ARVCF: variants seen among roughly 807,000 people sequenced by gnomAD.
The protein encoded by ARVCF is splicing regulator ARVCF.
In ARVCF, 66 loss-of-function variants were observed where a neutral mutation model predicts 90.9. The ratio of observed to expected loss-of-function variants is 0.73; its 90% CI spans 0.60 to 0.89. The LOEUF is 0.89. ARVCF is among the 40% of genes least tolerant of loss of function. ARVCF has a pLI of 0.00. For missense variants in ARVCF, 1,469 were observed against 1,382.3 expected (o/e 1.06, Z -1.00); for synonymous variants, 653 against 603.4 (o/e 1.08, Z -1.21).
chr22:19,993,520 A>C (rs1403851021), intron 2 of ARVCF, among the ~76,000 whole-genome samples: 1 of 152,198 alleles, frequency 6.6e-6, no homozygotes, highest in Admixed American at 6.5e-5. Flanking sequence ...GAAGGGGGAC[A>C]CTGCAGGGAC....
At chr22:19,972,185 T>G (rs1225415875) in intron 17 of ARVCF, among the ~76,000 whole-genome samples, 173 bp downstream of exon 17, 1 of 152,116 alleles carries the variant, frequency 6.6e-6, no homozygotes, top group Non-Finnish European at 1.5e-5. Context: ...TCAGAGCCCC[T>G]GGCTGAGCAC....
At chr22:19,968,323 T>C (rs1029867851), downstream of ARVCF, among the ~76,000 whole-genome samples, 3 of 152,212 alleles carry the variant, frequency 2.0e-5, no homozygotes, top group Admixed American at 6.5e-5. Flanking sequence ...GAAAGGTCCC[T>C]GTCCTCACGG....
intron 2 of ARVCF, among the ~76,000 whole-genome samples, chr22:20,000,097 C>T (rs905671292): frequency 6.6e-6 from 1 of 152,222 alleles, no homozygotes; most frequent in Non-Finnish European, 1.5e-5. Context: ...TCACTGTACC[C>T]TTCTCCCACC....
chr22:19,984,406 C>T (rs949052171), intron 3 of ARVCF, among the ~76,000 whole-genome samples: 14 of 152,110 alleles, frequency 9.2e-5, no homozygotes, highest in Non-Finnish European at 1.0e-4. Flanking sequence ...ACCCATCAGC[C>T]CCGGCCTAGC....
downstream of ARVCF, chr22:19,967,197 G>A (rs562927287): frequency 6.1e-5 from 80 of 1,304,720 alleles, no homozygotes; most frequent in Admixed American, 3.2e-4. Flanking sequence ...GTCCGCTGAC[G>A]TCTTCTGTAT....
chr22:19,970,197 G>A lies in ARVCF; in HGVS notation c.*559C>T. ...TGGGGAGGTGGGGCACCTGTAGCCT[G>A]ACCCCCACCTTGCTGCTTCCAAAGC... On this transcript the variant is annotated 3_prime_UTR_variant, in exon 20 of 20. Transcript: ENST00000263207. 1.0e-6 allele frequency: 1 copy of A among 989,610 alleles called. No homozygotes were observed. The highest frequency in any genetic ancestry group is 1.2e-6 in the Non-Finnish European group (1 of 832,378). 61.3% of individuals were successfully genotyped at this position (989,610 alleles called of 1,614,324 possible).
At chr22:19,984,583 T>A (rs991639630) in intron 3 of ARVCF, among the ~76,000 whole-genome samples, 1 of 152,098 alleles carries the variant, frequency 6.6e-6, no homozygotes, top group Admixed American at 6.5e-5. Flanking sequence ...CACATGCATA[T>A]ACATGACCCC....
At position 19,972,979 on chromosome 22, in the gene ARVCF, G is replaced by C; in HGVS notation, c.2496C>G (p.Tyr832Ter). ...ASHVLQTVWS[Y>*]KELRGTLQKD... is the part of the protein sequence containing the mutation. ...TCTGCAAGGTACCACGCAGCTCCTT[G>C]TAGCTCCACACTGTCTGCAGCACGT... The change falls in exon 15 of 20, where the codon TAC (tyrosine) becomes TAG (stop). Residue 832 changes from tyrosine (Y) to a stop codon, truncating the protein, a stop_gained. Coordinates refer to ENST00000263207, the MANE Select transcript of ARVCF (RefSeq NM_001670.3). LOFTEE classifies it high-confidence loss of function. The C allele has an allele frequency of 2.5e-6, 4 of 1,613,756 alleles. No individual in the cohort carries two copies. Among genetic ancestry groups the C allele is most frequent in the Non-Finnish European group, 3.4e-6 (4 of 1,180,038 alleles).
intron 2 of ARVCF, among the ~76,000 whole-genome samples, chr22:20,006,585 A>T (rs1944636153): frequency 2.0e-5 from 3 of 151,020 alleles, no homozygotes; most frequent in South Asian, 4.2e-4. Flanking sequence ...TCTCAAAAAA[A>T]AAAAAGAGGC....
In ARVCF at chr22:19,990,585, C is replaced by CT. The variant is rs763747628; in HGVS notation, c.209dup (p.Glu71GlyfsTer18). On this transcript the variant is annotated frameshift_variant and splice_region_variant, in exon 3 of 20. Transcript: ENST00000263207. LOFTEE classifies it high-confidence loss of function. ...CCTTCCCAAGTCACTAGGCTGTTAC[C>CT]TGGAGGACCAGCTGTTGCCAGGCCA... 3.6e-5 allele frequency: 58 copies of CT among 1,605,612 alleles called. No homozygotes were observed. The highest frequency in any genetic ancestry group is 4.8e-5 in the Non-Finnish European group (56 of 1,175,252).
At chr22:19,983,452 G>C (rs1943606545) in intron 3 of ARVCF, among the ~76,000 whole-genome samples, 1 of 152,216 alleles carries the variant, frequency 6.6e-6, no homozygotes, top group Non-Finnish European at 1.5e-5. Flanking sequence ...CCAGGTCAGG[G>C]TCCTATCCTG....
intron 11 of ARVCF, 27 bp downstream of exon 11, chr22:19,975,659 G>T (rs1320929933): frequency 6.2e-7 from 1 of 1,612,868 alleles, no homozygotes; most frequent in Admixed American, 1.7e-5. Flanking sequence ...TCCCCCAGTG[G>T]AGCTGGCTTC....
intron 3 of ARVCF, chr22:19,986,798 G>A (rs933950528): frequency 7.5e-6 from 3 of 399,256 alleles, no homozygotes; most frequent in African/African-American, 6.3e-5. Context: ...GCCAAGAGGA[G>A]GGTCAAACTG....
At position 19,981,971 on chromosome 22, in the gene ARVCF, T is replaced by C. The variant is rs776714192; in HGVS notation, c.331A>G (p.Thr111Ala). 6.2e-7 allele frequency: 1 copy of C among 1,613,118 alleles called. No homozygotes were observed. Among genetic ancestry groups the C allele is most frequent in the Admixed American group, 1.7e-5 (1 of 60,004 alleles). The change falls in exon 4 of 20, where the codon ACA becomes GCA. Residue 111 changes from threonine (T) to alanine (A), a missense_variant. Physicochemically the swap from Thr to Ala is moderately conservative, Grantham distance 58 (BLOSUM62 0). Coordinates refer to ENST00000263207, the MANE Select transcript of ARVCF (RefSeq NM_001670.3). ...CGCCGGGTTGTGCCATCTTCGGATG[T>C]GACAATAGACACATGGGAAGTGGGT... is the stretch of plus-strand genomic sequence containing the variant. Reference protein sequence around the residue: ...GTPTSHVSIVTSEDGTTRRTE... With the variant: ...GTPTSHVSIVASEDGTTRRTE...
At chr22:19,982,766 T>C (rs1304674017) in intron 3 of ARVCF, among the ~76,000 whole-genome samples, 1 of 152,222 alleles carries the variant, frequency 6.6e-6, no homozygotes, top group Admixed American at 6.5e-5. Context: ...GAGTGTTGTG[T>C]AGGCACAGGT....
downstream of ARVCF, among the ~76,000 whole-genome samples, chr22:19,966,212 G>A (rs777285620): frequency 4.6e-5 from 7 of 152,178 alleles, no homozygotes; most frequent in Non-Finnish European, 1.0e-4. Context: ...ACTCAGGGCT[G>A]GGGCCCTGTG....
chr22:20,013,873 AT>A (rs887081282), intron 1 of ARVCF, among the ~76,000 whole-genome samples: 1 of 151,068 alleles, frequency 6.6e-6, no homozygotes, highest in Non-Finnish European at 1.5e-5. Context: ...TTTTGTGGGT[AT>A]TTTTTTTTCT....
intron 6 of ARVCF, 130 bp from the exon 7 acceptor site, chr22:19,979,210 A>C: frequency 2.9e-6 from 3 of 1,031,106 alleles, no homozygotes; most frequent in East Asian, 2.6e-5. Context: ...GAAGTAACAA[A>C]AGCCGTGAGT....
Position 19,979,772 on chromosome 22 carries a change from C to T in ARVCF, c.1367G>A (p.Arg456Gln), listed in dbSNP as rs755701196. ...GACAAGCTCACGGACCTCGTTGTCCCGGGCAGCCCTCAGCAGGCGCACCAG... is the reference window on the plus strand; with the variant it reads ...GACAAGCTCACGGACCTCGTTGTCCTGGGCAGCCCTCAGCAGGCGCACCAG... Reference protein sequence around the residue: ...PALVRLLRAARDNEVRELVTG... With the variant: ...PALVRLLRAAQDNEVRELVTG... The change falls in exon 6 of 20, where the codon CGG (arginine) becomes CAG (glutamine). Residue 456 changes from arginine (R) to glutamine (Q), a missense_variant. Arg to Gln is a conservative substitution (Grantham distance 43, BLOSUM62 1). Coordinates refer to ENST00000263207, the MANE Select transcript of ARVCF (RefSeq NM_001670.3). 1.6e-5 allele frequency: 26 copies of T among 1,605,844 alleles called. No individual in the cohort carries two copies. Among genetic ancestry groups the T allele is most frequent in the African/African-American group, 9.4e-5 (7 of 74,814 alleles).
Sources: gnomAD v4.1 joint callset for allele counts (sites outside exome capture counted in the v4.1 genomes callset) on GRCh38, gnomAD v4.1.1 for gene constraint, MANE v1.5 for transcripts, NCBI Gene and HGNC (gene_info 2026-07-23, HGNC 2026-07-21) for gene names.